Variants in PLBD2 observed in about 807,000 individuals in gnomAD.
The protein encoded by PLBD2 is phospholipase B domain containing 2.
Under a neutral mutation model 68.3 loss-of-function variants are expected in PLBD2, and 51 were observed. The ratio of observed to expected loss-of-function variants is 0.75; its 90% confidence interval spans 0.60 to 0.94. The LOEUF (loss-of-function observed/expected upper bound fraction) is 0.94. Among genes scored for constraint, PLBD2 ranks in the 40% least tolerant of loss-of-function variants. The pLI, the probability that PLBD2 is intolerant of heterozygous loss-of-function variation, is 0.00. For synonymous variants in PLBD2, 314 were observed against 339.3 expected (o/e 0.93, Z 0.82); for missense variants, 729 against 792.2 (o/e 0.92, Z 0.96).
At chr12:113,373,552 C>A (rs754049560) in intron 3 of PLBD2, among the ~76,000 whole-genome samples, 42 of 152,256 alleles carry the variant, frequency 2.8e-4, no homozygotes, top group Non-Finnish European at 5.6e-4. Context: ...CACACATCCA[C>A]CACCCATCCA....
intron 9 of PLBD2, among the ~76,000 whole-genome samples, chr12:113,385,711 C>G (rs773143786): frequency 6.6e-6 from 1 of 152,216 alleles, no homozygotes; most frequent in Non-Finnish European, 1.5e-5. Flanking sequence ...CCTCACTTTC[C>G]CAAGCTTCCC....
At chr12:113,386,717 C>T (rs2136924463) in intron 9 of PLBD2, among the ~76,000 whole-genome samples, 1 of 152,276 alleles carries the variant, frequency 6.6e-6, no homozygotes, top group African/African-American at 2.4e-5. Flanking sequence ...CAGGGTTTCA[C>T]CATGTTGGCC....
chr12:113,380,298 G>C (rs1446406272), intron 5 of PLBD2, among the ~76,000 whole-genome samples: 1 of 152,032 alleles, frequency 6.6e-6, no homozygotes, highest in Non-Finnish European at 1.5e-5. Context: ...CACCACGCCT[G>C]GCTCATTTTT....
At chr12:113,376,711 G>A (rs1411663172) in intron 5 of PLBD2, 2 of 152,230 alleles carry the variant, frequency 1.3e-5, no homozygotes, top group Non-Finnish European at 2.9e-5. Flanking sequence ...CAGCGCCTTG[G>A]GAATTCGAAG....
chr12:113,361,585 G>A (rs1957297879), intron 1 of PLBD2, among the ~76,000 whole-genome samples: 1 of 151,956 alleles, frequency 6.6e-6, no homozygotes, highest in African/African-American at 2.4e-5. Flanking sequence ...GGGCTCAAGT[G>A]ATCCTCTCAC....
intron 8 of PLBD2, 95 bp downstream of exon 8, chr12:113,385,041 C>T (rs951048774): frequency 3.7e-5 from 51 of 1,364,204 alleles, no homozygotes; most frequent in Middle Eastern, 2.2e-4. Flanking sequence ...AGGAAGTGAA[C>T]GATCTCAGGA....
chr12:113,382,021 C>G (rs1957495686), intron 6 of PLBD2, among the ~76,000 whole-genome samples: 1 of 152,060 alleles, frequency 6.6e-6, no homozygotes, highest in Non-Finnish European at 1.5e-5. Context: ...TGAGGTCTCA[C>G]TATATTTCCC....
intron 1 of PLBD2, among the ~76,000 whole-genome samples, chr12:113,362,697 CT>C (rs1009306819): frequency 2.0e-5 from 3 of 151,870 alleles, no homozygotes; most frequent in African/African-American, 7.3e-5. Context: ...TTGTCAACCC[CT>C]GTCAGCGTTT....
At chr12:113,382,835 T>TTGTG (rs1209547269) in intron 6 of PLBD2, among the ~76,000 whole-genome samples, 3,487 of 106,562 alleles carry the variant, frequency 0.033, 103 homozygotes, top group Middle Eastern at 0.053. Flanking sequence ...TGGTGGTTTT[T>TTGTG]TGTGTGTGTG....
In PLBD2 at chr12:113,384,947, G is replaced by A. The variant is rs745842932; in HGVS notation, c.1214+1G>A. 1.9e-5 allele frequency: 30 copies of A among 1,609,886 alleles called. No homozygotes were observed. Among genetic ancestry groups the A allele is most frequent in the African/African-American group, 2.7e-5 (2 of 74,852 alleles). On this transcript the variant is annotated splice_donor_variant, in intron 8 of 11. Coordinates refer to ENST00000280800, the MANE Select transcript of PLBD2 (RefSeq NM_173542.4). LOFTEE classifies it high-confidence loss of function. The surrounding 1 kb of genome is among the most constrained non-coding windows in gnomAD (Gnocchi z 4.2). ...TGCTTACCATCCTGGAGCAGATCCC[G>A]TGCGTACCCTGGGAGGGAGGGGTGG...
chr12:113,384,714 T>C lies in PLBD2; in HGVS notation c.1119-137T>C. The C allele has an allele frequency of 4.5e-6, 3 of 662,478 alleles. No individual in the cohort carries two copies. In the South Asian group the frequency reaches 5.3e-5, roughly 12 times the overall value. 41.0% of individuals were successfully genotyped at this position (662,478 alleles called of 1,614,324 possible). A position where few individuals can be genotyped will look rare whatever the true frequency, so the allele number is the denominator to read the frequency against. The stretch of plus-strand genomic sequence containing the variant: ...GTGGATACCTGGTCATGCTGCAGCG[T>C]CAGGGTGTCAGTTGAATGGCTGGAC... On this transcript the variant is annotated intron_variant, in intron 7 of 11. Coordinates refer to ENST00000280800, the MANE Select transcript of PLBD2 (RefSeq NM_173542.4). The surrounding 1 kb of genome is among the most constrained non-coding windows in gnomAD (Gnocchi z 4.2).
intron 3 of PLBD2, among the ~76,000 whole-genome samples, chr12:113,374,041 A>G (rs1030721095): frequency 2.0e-5 from 3 of 152,128 alleles, no homozygotes; most frequent in Admixed American, 6.6e-5. Context: ...TGAGGGACAC[A>G]CTGATGATAC....
intron 6 of PLBD2, among the ~76,000 whole-genome samples, chr12:113,383,869 C>T (rs1240868401): frequency 1.3e-5 from 2 of 151,506 alleles, no homozygotes; most frequent in African/African-American, 2.4e-5. Flanking sequence ...CGTGGGGGCA[C>T]GTGCCTGTAA....
At chr12:113,374,231 T>G (rs545790402) in intron 3 of PLBD2, among the ~76,000 whole-genome samples, 96 of 151,912 alleles carry the variant, frequency 6.3e-4, no homozygotes, top group African/African-American at 2.2e-3. Context: ...GGCTCTTAAG[T>G]GGGGCTGATT....
chr12:113,384,883 A>G lies in PLBD2; in HGVS notation c.1151A>G (p.Lys384Arg). 1 of 1,597,650 alleles carries G rather than the reference A, an allele frequency of 6.3e-7. No individual in the cohort carries two copies. Among genetic ancestry groups the G allele is most frequent in the Non-Finnish European group, 8.5e-7 (1 of 1,169,762 alleles). The part of the protein sequence containing the change: ...YNNQWMIVDY[K>R]AFIPGGPSPG... The stretch of plus-strand genomic sequence containing the variant: ...AACCAGTGGATGATCGTGGACTACA[A>G]GGCGTTCATCCCGGGTGGGCCCAGC... Residue 384 changes from lysine to arginine, a missense_variant, in exon 8 of 12, where the codon AAG (lysine) becomes AGG (arginine). Coordinates refer to ENST00000280800, the MANE Select transcript of PLBD2 (RefSeq NM_173542.4). This position sits in a 1 kb window ranked among gnomAD's most constrained non-coding sequence, Gnocchi z 4.2.
intron 2 of PLBD2, among the ~76,000 whole-genome samples, chr12:113,370,160 A>G (rs1957375937): frequency 6.6e-6 from 1 of 152,094 alleles, no homozygotes; most frequent in Admixed American, 6.6e-5. Context: ...TCGGCCTCCC[A>G]AAGTGCTGGG....
intron 2 of PLBD2, among the ~76,000 whole-genome samples, chr12:113,369,594 C>A (rs892212235): frequency 6.6e-6 from 1 of 152,094 alleles, no homozygotes; most frequent in African/African-American, 2.4e-5. Context: ...CAACATTATT[C>A]AGCTATAAAC....
At chr12:113,368,043 G>C (rs1485420943) in intron 1 of PLBD2, among the ~76,000 whole-genome samples, 1 of 151,674 alleles carries the variant, frequency 6.6e-6, no homozygotes, top group African/African-American at 2.4e-5. Context: ...GATCATGCCA[G>C]TACCCCCCAG....
At chr12:113,378,313 A>C (rs1421923481) in intron 5 of PLBD2, among the ~76,000 whole-genome samples, 2 of 152,070 alleles carry the variant, frequency 1.3e-5, no homozygotes, top group Non-Finnish European at 2.9e-5. Flanking sequence ...AAAATTTCCA[A>C]GGGTGGGCTT....
Sources: gnomAD v4.1 joint callset for allele counts (sites outside exome capture counted in the v4.1 genomes callset) on GRCh38, gnomAD v4.1.1 for gene constraint, Gnocchi (gnomAD v3.1) non-coding constraint, MANE v1.5 for transcripts, NCBI Gene and HGNC (gene_info 2026-07-23, HGNC 2026-07-21) for gene names.